IQCM: variants seen among roughly 807,000 people sequenced by gnomAD.
IQCM encodes IQ domain-containing protein M.
IQCM carries 45 observed loss-of-function variants against 57.6 expected under a neutral mutation model. The ratio of observed to expected loss-of-function variants is 0.78; its 90% CI spans 0.62 to 1.00. The LOEUF is 1.00. Ranked by LOEUF, IQCM falls within the 50% of genes least tolerant of loss-of-function variation. The pLI, the probability that IQCM is intolerant of heterozygous loss-of-function variation, is 0.00. For synonymous variants in IQCM, 148 were observed against 158.9 expected (o/e 0.93, Z 0.51); for missense variants, 468 against 511.6 (o/e 0.91, Z 0.82).
intron 2 of IQCM, among the ~76,000 whole-genome samples, chr4:149,801,258 A>G (rs1266719947): frequency 2.6e-5 from 4 of 151,858 alleles, no homozygotes; most frequent in Non-Finnish European, 4.4e-5. Context: ...AGGTTGTGGA[A>G]AAAAAACAAG....
At chr4:149,528,264 G>C (rs905437402) in intron 12 of IQCM, among the ~76,000 whole-genome samples, 1 of 145,232 alleles carries the variant, frequency 6.9e-6, no homozygotes, top group Non-Finnish European at 1.5e-5. Context: ...GGGATTACAG[G>C]CGTGAGCCAC....
chr4:149,733,692 CA>C (rs147609609), intron 4 of IQCM, among the ~76,000 whole-genome samples, 184 bp from the exon 5 acceptor site: 2,245 of 152,140 alleles, frequency 0.015, 66 homozygotes, highest in African/African-American at 0.052. Context: ...CCAGCTAAAT[CA>C]GATGTTATTC....
intron 9 of IQCM, among the ~76,000 whole-genome samples, chr4:149,578,106 G>A (rs564994762): frequency 9.2e-5 from 14 of 151,774 alleles, no homozygotes; most frequent in East Asian, 3.9e-4. Flanking sequence ...ATCAGATCAC[G>A]GAACCTTTAG....
intron 12 of IQCM, among the ~76,000 whole-genome samples, chr4:149,532,251 G>A (rs919019612): frequency 1.3e-5 from 2 of 152,070 alleles, no homozygotes; most frequent in African/African-American, 4.8e-5. Context: ...GCAGCAATAT[G>A]TCTTTTACCT....
At chr4:149,354,343 G>A (rs1272886877) in intron 13 of IQCM, among the ~76,000 whole-genome samples, 2 of 86,640 alleles carry the variant, frequency 2.3e-5, no homozygotes, top group African/African-American at 9.8e-5. Flanking sequence ...CAGCCTGGGC[G>A]ACAGAGCGAG....
chr4:149,803,709 G>C (rs762514376), intron 2 of IQCM, among the ~76,000 whole-genome samples: 1 of 151,926 alleles, frequency 6.6e-6, no homozygotes, highest in African/African-American at 2.4e-5. Flanking sequence ...AAGTTTATCT[G>C]TGTCTATATT....
intron 2 of IQCM, among the ~76,000 whole-genome samples, chr4:149,810,448 CA>C (rs1200158047): frequency 2.0e-5 from 3 of 148,644 alleles, no homozygotes; most frequent in African/African-American, 7.4e-5. Context: ...ATTTCAAAAA[CA>C]TATAATTTTT....
Position 149,733,330 on chromosome 4 carries a change from T to C in IQCM, c.299A>G (p.Gln100Arg). Residue 100 changes from glutamine (Q) to arginine (R), a missense_variant, in exon 5 of 14, where the codon CAG becomes CGG. Transcript: ENST00000636793. ...PKELSKSEHL[Q>R]EPPQRISFKE... ...GAAGGAGATTCGTTGTGGGGGTTCC[T>C]GAAGATGCTCGCTTTTGGAAAGCTC... 1 of 1,231,844 alleles carries C rather than the reference T, an allele frequency of 8.1e-7. No homozygotes were observed. 76.3% of individuals were successfully genotyped at this position (1,231,844 alleles called of 1,614,324 possible).
intron 2 of IQCM, among the ~76,000 whole-genome samples, chr4:149,788,467 G>A (rs1232286401): frequency 1.3e-5 from 2 of 152,264 alleles, no homozygotes; most frequent in South Asian, 2.1e-4. Flanking sequence ...TAGTTAGAAC[G>A]GCTACTGCAT....
chr4:149,641,809 T>G (rs1472142961), intron 7 of IQCM, among the ~76,000 whole-genome samples: 1 of 152,186 alleles, frequency 6.6e-6, no homozygotes, highest in Non-Finnish European at 1.5e-5. Context: ...GGTCATCAAT[T>G]ATTAACTCCA....
chr4:149,519,482 C>G (rs1293659942), intron 12 of IQCM, among the ~76,000 whole-genome samples: 1 of 151,596 alleles, frequency 6.6e-6, no homozygotes, highest in East Asian at 2.0e-4. Context: ...ATTAGCCTGG[C>G]GTGGTGGCGG....
At chr4:149,649,806 CT>C (rs960658123) in intron 7 of IQCM, among the ~76,000 whole-genome samples, 3 of 152,140 alleles carry the variant, frequency 2.0e-5, no homozygotes, top group Non-Finnish European at 4.4e-5. Flanking sequence ...ATTTAAATCT[CT>C]TGATATAATA....
At chr4:149,530,617 C>A (rs566158715) in intron 12 of IQCM, among the ~76,000 whole-genome samples, 157 of 152,248 alleles carry the variant, frequency 1.0e-3, no homozygotes, top group African/African-American at 3.7e-3. Flanking sequence ...TATTTAGTTT[C>A]TCTTCATGTT....
chr4:149,532,190 G>A (rs1385816158), intron 12 of IQCM, among the ~76,000 whole-genome samples: 1 of 151,996 alleles, frequency 6.6e-6, no homozygotes, highest in African/African-American at 2.4e-5. Flanking sequence ...CATGAAAGTT[G>A]TTTTCACCTT....
intron 12 of IQCM, among the ~76,000 whole-genome samples, chr4:149,525,239 A>G (rs1253262330): frequency 6.6e-6 from 1 of 151,940 alleles, no homozygotes; most frequent in East Asian, 1.9e-4. Flanking sequence ...GAAACATTCT[A>G]CGTAAAATAT....
chr4:149,616,740 G>A (rs1184621684), intron 8 of IQCM, among the ~76,000 whole-genome samples: 1 of 152,054 alleles, frequency 6.6e-6, no homozygotes, highest in Non-Finnish European at 1.5e-5. Flanking sequence ...GCGGCAGCGG[G>A]GTGTGGGGAG....
At chr4:149,355,396 C>A (rs1164025524) in intron 13 of IQCM, among the ~76,000 whole-genome samples, 1 of 117,226 alleles carries the variant, frequency 8.5e-6, no homozygotes. Context: ...CTTCCCCCTC[C>A]CCCCACCCCA....
intron 13 of IQCM, among the ~76,000 whole-genome samples, chr4:149,354,179 A>G (rs1728767079): frequency 1.3e-5 from 2 of 150,542 alleles, no homozygotes; most frequent in Admixed American, 6.6e-5. Context: ...CCCGGCTAAA[A>G]CGGTGAAACC....
At chr4:149,669,651 G>A (rs1161737221) in intron 7 of IQCM, among the ~76,000 whole-genome samples, 1 of 152,114 alleles carries the variant, frequency 6.6e-6, no homozygotes, top group African/African-American at 2.4e-5. Flanking sequence ...ATTAATTTTT[G>A]TATAAGGTGT....
Sources: allele counts gnomAD v4.1 joint callset (sites outside exome capture counted in the v4.1 genomes callset), GRCh38; gene constraint gnomAD v4.1.1; transcripts MANE v1.5; gene names NCBI Gene and HGNC (gene_info 2026-07-23, HGNC 2026-07-21).